The following PCDH15 variants were observed in gnomAD, a reference collection of about 807,000 sequenced individuals.
PCDH15 encodes the protein protocadherin-15.
In PCDH15, 129 loss-of-function variants were observed where a neutral mutation model predicts 178.5. The ratio of observed to expected loss-of-function variants is 0.72; its 90% confidence interval spans 0.63 to 0.84. PCDH15 has a LOEUF of 0.84. Ranked by LOEUF, PCDH15 falls within the 40% of genes least tolerant of loss-of-function variation. The pLI is 0.00. For missense variants in PCDH15, 2,230 were observed against 2,099.9 expected, an observed-to-expected ratio of 1.06 and a Z score of -1.21; for synonymous variants, 800 against 732.0, an observed-to-expected ratio of 1.09 and a Z score of -1.50.
intron 2 of PCDH15, among the ~76,000 whole-genome samples, chr10:55,121,103 C>A (rs1302005499): frequency 6.6e-6 from 1 of 152,112 alleles, no homozygotes; most frequent in Non-Finnish European, 1.5e-5. Context: ...GCTGTGTAGG[C>A]TGCACCGAAC....
chr10:54,104,985 C>T (rs1414698129), intron 15 of PCDH15, among the ~76,000 whole-genome samples: 1 of 151,656 alleles, frequency 6.6e-6, no homozygotes, highest in African/African-American at 2.4e-5. Context: ...TTGCCTCTCA[C>T]AAGTGGTGAA....
intron 2 of PCDH15, among the ~76,000 whole-genome samples, chr10:54,958,692 G>A (rs2384586): frequency 0.39 from 58,284 of 151,146 alleles, 12,341 homozygotes; most frequent in East Asian, 0.68. Context: ...TATGATAGAA[G>A]CTAGGAAAGA....
At chr10:54,183,932 A>C (rs2048246911) in intron 12 of PCDH15, among the ~76,000 whole-genome samples, 1 of 152,116 alleles carries the variant, frequency 6.6e-6, no homozygotes, top group Admixed American at 6.6e-5. Flanking sequence ...CTTAATTGGA[A>C]AATATTATTT....
At chr10:54,175,667 G>A (rs185127891) in intron 13 of PCDH15, among the ~76,000 whole-genome samples, 1 of 152,136 alleles carries the variant, frequency 6.6e-6, no homozygotes, top group East Asian at 1.9e-4. Context: ...CAAAGTGGCA[G>A]AAAGAAATGC....
intron 3 of PCDH15, among the ~76,000 whole-genome samples, chr10:54,853,402 C>CACGT (rs1564570655): frequency 1.4e-5 from 2 of 141,828 alleles, no homozygotes; most frequent in Admixed American, 7.2e-5. Context: ...TATATACACA[C>CACGT]ACATATATAT....
At chr10:54,868,104 A>G (rs950221023) in intron 3 of PCDH15, among the ~76,000 whole-genome samples, 1 of 152,192 alleles carries the variant, frequency 6.6e-6, no homozygotes, top group East Asian at 1.9e-4. Flanking sequence ...TTTGTCAATT[A>G]TATCTTAATA....
intron 2 of PCDH15, among the ~76,000 whole-genome samples, chr10:54,919,657 T>C (rs945042411): frequency 1.3e-5 from 2 of 152,208 alleles, no homozygotes; most frequent in African/African-American, 4.8e-5. Flanking sequence ...ACTAAACAAA[T>C]GCTTGCTGAA....
intron 1 of PCDH15, among the ~76,000 whole-genome samples, chr10:54,664,691 C>T (rs1007051419): frequency 6.6e-6 from 1 of 151,808 alleles, no homozygotes; most frequent in Non-Finnish European, 1.5e-5. Flanking sequence ...TGTTAGTATC[C>T]TACATGAGCA....
At chr10:53,854,746 C>T (rs1049727350) in intron 28 of PCDH15, among the ~76,000 whole-genome samples, 1 of 152,050 alleles carries the variant, frequency 6.6e-6, no homozygotes, top group Admixed American at 6.6e-5. Context: ...ACCGAATAGT[C>T]ATACTTTCTA....
chr10:54,378,822 A>G lies in PCDH15; in HGVS notation c.278T>C (p.Met93Thr). 2 of 1,613,894 alleles carry G rather than the reference A, an allele frequency of 1.2e-6. No individual in the cohort carries two copies. ...YWVLMDPVKQ[M>T]LFLNSTGRVL... ...TCTTCCGGTGCTGTTCAGGAAAAGC[A>G]TTTGCTTAACAGGATCCATCAACAC... The change falls in exon 4 of 38, where the codon ATG becomes ACG. Residue 93 changes from methionine (M) to threonine (T), a missense_variant. Physicochemically the swap from Met to Thr is moderately conservative, Grantham distance 81. Transcript: ENST00000644397.
intron 8 of PCDH15, among the ~76,000 whole-genome samples, chr10:54,242,185 T>C (rs1250385266): frequency 0.011 from 842 of 79,422 alleles, 18 homozygotes; most frequent in Non-Finnish European, 0.015. Flanking sequence ...TATATATATA[T>C]ATACACACAC....
intron 2 of PCDH15, among the ~76,000 whole-genome samples, chr10:55,516,592 C>T (rs1321307870): frequency 6.6e-5 from 10 of 151,952 alleles, no homozygotes; most frequent in Admixed American, 6.6e-4. Flanking sequence ...TTTTTTCCTG[C>T]TAGCTTCACA....
chr10:53,824,127 A>AACAAAAAGATTG lies in PCDH15; in HGVS notation c.4367+3254_4367+3265dup, dbSNP rs1479252707. ...TCAAATTTTACTTAAAACTCACCTT[A>AACAAAAAGATTG]ACAAAAAGATTGATGCTAAAAAAAA... On this transcript the variant is annotated intron_variant, in intron 32 of 37. Coordinates refer to ENST00000644397, the MANE Select transcript of PCDH15 (RefSeq NM_001384140.1). Among the ~76,000 whole-genome samples the AACAAAAAGATTG allele has an allele frequency of 1.3e-4, 17 of 130,454 alleles. No individual in the cohort carries two copies. The East Asian group carries it at 4.1e-3, about 31-fold the overall frequency. The allele number at this position is 130,454 out of a possible 152,430, so 85.6% of individuals were successfully genotyped here.
At chr10:53,957,066 C>A (rs997615907) in intron 23 of PCDH15, among the ~76,000 whole-genome samples, 1 of 152,154 alleles carries the variant, frequency 6.6e-6, no homozygotes, top group Non-Finnish European at 1.5e-5. Context: ...AGTCTAGAGG[C>A]ATATTTCTAT....
At chr10:55,511,368 A>G (rs1013221286) in intron 2 of PCDH15, among the ~76,000 whole-genome samples, 4 of 152,058 alleles carry the variant, frequency 2.6e-5, no homozygotes, top group Non-Finnish European at 4.4e-5. Flanking sequence ...TACAGAAAAA[A>G]ATCAGGCACA....
At chr10:53,836,366 T>C (rs2077306984) in intron 29 of PCDH15, among the ~76,000 whole-genome samples, 1 of 152,080 alleles carries the variant, frequency 6.6e-6, no homozygotes, top group Admixed American at 6.6e-5. Flanking sequence ...ACCTCTTCCT[T>C]ATAAGAGTGG....
chr10:54,227,443 C>T (rs1466852417), intron 9 of PCDH15, among the ~76,000 whole-genome samples: 1 of 152,154 alleles, frequency 6.6e-6, no homozygotes, highest in Non-Finnish European at 1.5e-5. Flanking sequence ...CAACAAGTCC[C>T]AAGGCTGCAC....
chr10:55,580,537 T>C (rs951145087), intron 2 of PCDH15, among the ~76,000 whole-genome samples: 2 of 151,940 alleles, frequency 1.3e-5, no homozygotes, highest in African/African-American at 4.8e-5. Context: ...TTTGTATTTT[T>C]AGTAGAGACG....
intron 15 of PCDH15, among the ~76,000 whole-genome samples, chr10:54,108,492 T>C (rs2094956859): frequency 6.6e-6 from 1 of 152,154 alleles, no homozygotes; most frequent in African/African-American, 2.4e-5. Context: ...GAAACTTAAG[T>C]TCCAGCCAGC....
Sources: gnomAD v4.1 joint callset for allele counts (sites outside exome capture counted in the v4.1 genomes callset) on GRCh38, gnomAD v4.1.1 for gene constraint, MANE v1.5 for transcripts, NCBI Gene and HGNC (gene_info 2026-07-23, HGNC 2026-07-21) for gene names.